The following DDRGK1 variants were observed in gnomAD, a reference collection of about 807,000 sequenced individuals.
DDRGK1 encodes DDRGK domain-containing protein 1.
In DDRGK1, 38 loss-of-function variants were observed where a neutral mutation model predicts 45.8. The observed-to-expected ratio is 0.83, with a 90% CI of 0.64 to 1.09. The LOEUF (loss-of-function observed/expected upper bound fraction) is 1.09. DDRGK1 is among the 50% of genes least tolerant of loss of function. DDRGK1 has a pLI of 0.00. For synonymous variants in DDRGK1, 171 were observed against 168.7 expected (o/e 1.01, Z -0.11); for missense variants, 403 against 419.9 (o/e 0.96, Z 0.35).
chr20:3,195,241 G>T lies in DDRGK1; in HGVS notation c.623C>A (p.Thr208Asn). 6.2e-7 allele frequency: 1 copy of T among 1,614,110 alleles called. No homozygotes were observed. The highest frequency in any genetic ancestry group is 1.3e-5 in the African/African-American group (1 of 75,050). Residue 208 changes from threonine to asparagine, a missense_variant, in exon 5 of 9, where the codon ACT becomes AAT. Physicochemically the swap from Thr to Asn is moderately conservative, Grantham distance 65 (BLOSUM62 0). Coordinates refer to ENST00000354488, the MANE Select transcript of DDRGK1 (RefSeq NM_023935.3). The stretch of plus-strand genomic sequence containing the variant: ...GGGCAGCAGGCCCACCTGTTCCTCA[G>T]TCATGGTCTCTCCTACGCCTTCCTC... ...VEEEGVGETM[T>N]EEQSQSFLTE...
At chr20:3,204,423 T>C (rs1203615079) in intron 1 of DDRGK1, 114 bp downstream of exon 1, 42 of 1,084,146 alleles carry the variant, frequency 3.9e-5, no homozygotes, top group East Asian at 5.2e-5. Context: ...CGGACGCGCA[T>C]GCGTCCCGCC....
At position 3,203,216 on chromosome 20, in the gene DDRGK1, G is replaced by T; in HGVS notation, c.292C>A (p.Leu98Ile). ...ADENEEEAVI[L>I]AQEEEGVEKP... ...CACCAGGCTGGGCCCCTCTCACCTA[G>T]GATGACAGCTTCCTCCTCGTTCTCA... The change falls in exon 2 of 9, where the codon CTA becomes ATA. Residue 98 changes from leucine to isoleucine, a missense_variant. Coordinates refer to ENST00000354488, the MANE Select transcript of DDRGK1 (RefSeq NM_023935.3). The T allele has an allele frequency of 6.3e-7, 1 of 1,579,512 alleles. No individual in the cohort carries two copies. Among genetic ancestry groups the T allele is most frequent in the Admixed American group, 1.8e-5 (1 of 55,118 alleles).
chr20:3,198,025 A>T lies in DDRGK1; in HGVS notation c.510+1976T>A, dbSNP rs145242283. ...CAGCTACTAGGGAGGCTGAGGCAGGAGGATTGCTTGAGCCCAAGAGTTTGA... is the reference window on the plus strand; with the variant it reads ...CAGCTACTAGGGAGGCTGAGGCAGGTGGATTGCTTGAGCCCAAGAGTTTGA... On this transcript the variant is annotated intron_variant, in intron 4 of 8. Coordinates refer to ENST00000354488, the MANE Select transcript of DDRGK1 (RefSeq NM_023935.3). Among the ~76,000 whole-genome samples, 51 of 140,522 alleles carry T rather than the reference A, an allele frequency of 3.6e-4. No homozygotes were observed. In the East Asian group the frequency reaches 0.012, roughly 32 times the overall value. 92.2% of individuals were successfully genotyped at this position (140,522 alleles called of 152,430 possible).
intron 4 of DDRGK1, among the ~76,000 whole-genome samples, chr20:3,196,943 T>A (rs1600473883): frequency 6.6e-6 from 1 of 151,066 alleles, no homozygotes; most frequent in Non-Finnish European, 1.5e-5. Flanking sequence ...AAATGGCTGG[T>A]CGGGCACGGT....
chr20:3,203,071 T>C (rs1600478402), intron 2 of DDRGK1, 142 bp downstream of exon 2: 1 of 736,160 alleles, frequency 1.4e-6, no homozygotes, highest in Non-Finnish European at 2.1e-6. Flanking sequence ...AGGTCCCAAG[T>C]CCCCCCCTAC....
chr20:3,193,401 C>T (rs1568499284), intron 6 of DDRGK1, among the ~76,000 whole-genome samples: 1 of 151,996 alleles, frequency 6.6e-6, no homozygotes, highest in Non-Finnish European at 1.5e-5. Context: ...GACAGAGTCT[C>T]ACTCTGTCGC....
chr20:3,195,695 C>T lies in DDRGK1; in HGVS notation c.511-342G>A, dbSNP rs572149855. ...CCCATCCTCTCCTTGTGTAACTCAC[C>T]AAGCATACCCCGTCATGTCCACACC... On this transcript the variant is annotated intron_variant, in intron 4 of 8. Transcript: ENST00000354488. Among the ~76,000 whole-genome samples, 49 of 152,002 alleles carry T rather than the reference C, an allele frequency of 3.2e-4. 1 individual carries two copies. Among genetic ancestry groups the T allele is most frequent in the Non-Finnish European group, 6.2e-4 (42 of 68,014 alleles).
In DDRGK1 at chr20:3,190,542, A is replaced by AT. The variant is rs1240924862; in HGVS notation, c.*110_*111insA. 13 of 1,377,768 alleles carry AT rather than the reference A, an allele frequency of 9.4e-6. No homozygotes were observed. The East Asian group carries it at 3.0e-4, about 32-fold the overall frequency. 85.3% of individuals were successfully genotyped at this position (1,377,768 alleles called of 1,614,324 possible). ...AGCTCAGCAGTACTCACAGGCCTTT[A>AT]ATCTATAACTGCCTGGCCACACCAT... On this transcript the variant is annotated 3_prime_UTR_variant, in exon 9 of 9. Coordinates refer to ENST00000354488, the MANE Select transcript of DDRGK1 (RefSeq NM_023935.3).
intron 6 of DDRGK1, among the ~76,000 whole-genome samples, chr20:3,192,075 C>T (rs537674609): frequency 2.6e-5 from 4 of 151,442 alleles, no homozygotes; most frequent in African/African-American, 9.7e-5. Context: ...AAGGAATCTA[C>T]CCAAAACAAC....
intron 6 of DDRGK1, 46 bp downstream of exon 6, chr20:3,194,784 G>C (rs1424220287): frequency 1.9e-6 from 3 of 1,612,718 alleles, no homozygotes. Flanking sequence ...ACCTGCACAT[G>C]CCAGGCAGGG....
At chr20:3,191,089 A>C in intron 8 of DDRGK1, 101 bp downstream of exon 8, 1 of 1,485,610 alleles carries the variant, frequency 6.7e-7, no homozygotes, top group Non-Finnish European at 9.3e-7. Context: ...CCCTCCCCCC[A>C]TCTTGGGTGG....
intron 4 of DDRGK1, among the ~76,000 whole-genome samples, chr20:3,195,900 T>C (rs147001918): frequency 1.1e-4 from 16 of 152,212 alleles, no homozygotes; most frequent in African/African-American, 3.9e-4. Context: ...CTCTCAGTGA[T>C]CCTTCTTTCC....
intron 1 of DDRGK1, among the ~76,000 whole-genome samples, chr20:3,204,057 G>A (rs1029636085): frequency 2.6e-5 from 4 of 152,214 alleles, no homozygotes; most frequent in African/African-American, 9.6e-5. Context: ...TCTCCTTGGC[G>A]GGAAGGGAGA....
chr20:3,194,112 G>GCT (rs1345067355), intron 6 of DDRGK1, among the ~76,000 whole-genome samples: 1 of 152,130 alleles, frequency 6.6e-6, no homozygotes, highest in Admixed American at 6.6e-5. Context: ...TCTAAACCCT[G>GCT]CTCTCTTTCA....
chr20:3,201,335 C>T (rs1568501567), intron 2 of DDRGK1, among the ~76,000 whole-genome samples: 2 of 149,000 alleles, frequency 1.3e-5, no homozygotes, highest in Admixed American at 6.7e-5. Context: ...GGTGGCCACC[C>T]GTAGCCCCAG....
chr20:3,197,180 G>A (rs532555266), intron 4 of DDRGK1, among the ~76,000 whole-genome samples: 2 of 141,272 alleles, frequency 1.4e-5, no homozygotes, highest in African/African-American at 5.3e-5. Context: ...CCCAGATTGC[G>A]CCACTGGACT....
chr20:3,198,100 T>TAAA (rs34302663), intron 4 of DDRGK1, among the ~76,000 whole-genome samples: 5 of 53,048 alleles, frequency 9.4e-5, no homozygotes, highest in African/African-American at 1.5e-4. Context: ...CCATCTCTCT[T>TAAA]AAAAAAAAAA....
At chr20:3,200,983 A>G (rs941873735) in intron 2 of DDRGK1, among the ~76,000 whole-genome samples, 8 of 152,078 alleles carry the variant, frequency 5.3e-5, no homozygotes, top group Middle Eastern at 3.4e-3. Flanking sequence ...GGTGGCGGGC[A>G]CCTGTAGTCC....
At chr20:3,196,404 G>C (rs186846275) in intron 4 of DDRGK1, among the ~76,000 whole-genome samples, 4 of 152,154 alleles carry the variant, frequency 2.6e-5, no homozygotes, top group African/African-American at 9.7e-5. Flanking sequence ...CTAGCCGGGC[G>C]TGGTGGCTCA....
Sources: gnomAD v4.1 joint callset for allele counts (sites outside exome capture counted in the v4.1 genomes callset) on GRCh38, gnomAD v4.1.1 for gene constraint, MANE v1.5 for transcripts, NCBI Gene and HGNC (gene_info 2026-07-23, HGNC 2026-07-21) for gene names.